C16orf95: variants seen among roughly 807,000 people sequenced by gnomAD.
C16orf95 encodes the protein uncharacterized protein C16orf95.
Under a neutral mutation model 32.1 loss-of-function variants are expected in C16orf95, and 41 were observed. The ratio of observed to expected loss-of-function variants is 1.28; its 90% confidence interval spans 1.00 to 1.66. The LOEUF (loss-of-function observed/expected upper bound fraction) is 1.66. Ranked by LOEUF, C16orf95 falls within the 40% of genes most tolerant of loss-of-function variation. The pLI, the probability that C16orf95 is intolerant of heterozygous loss-of-function variation, is 0.00. For synonymous variants in C16orf95, 147 were observed against 128.9 expected (o/e 1.14, Z -0.95); for missense variants, 399 against 325.9 (o/e 1.22, Z -1.73).
rs1330690776 is a variant in C16orf95 at position 87,305,706 on chromosome 16, C to A, written c.701+13G>T. 7 of 1,491,974 alleles carry A rather than the reference C, an allele frequency of 4.7e-6. No individual in the cohort carries two copies. The highest frequency in any genetic ancestry group is 5.3e-6 in the Non-Finnish European group (6 of 1,126,386). The allele number at this position is 1,491,974 out of a possible 1,614,324, so 92.4% of individuals were successfully genotyped here. ...CAGGGCCACCCACTGTCCCCCATCC[C>A]CCACCTGCTCACCGAATGGCCATGA... On this transcript the variant is annotated intron_variant, in intron 6 of 6. Coordinates refer to ENST00000567970, the MANE Select transcript of C16orf95 (RefSeq NM_001195124.3). The surrounding 1 kb of genome is among the most constrained non-coding windows in gnomAD (Gnocchi z 4.2).
chr16:87,317,262 G>A lies in C16orf95; in HGVS notation c.-20C>T, dbSNP rs1904392317. On this transcript the variant is annotated 5_prime_UTR_variant, in exon 1 of 7. Transcript: ENST00000567970. ...ACGCATATGGCTTCTTATGGCTGAC[G>A]CGCCCTTTCACACACACATCGTCCG... 6.6e-7 allele frequency: 1 copy of A among 1,507,062 alleles called. No homozygotes were observed. The highest frequency in any genetic ancestry group is 1.2e-5 in the South Asian group (1 of 80,688). 93.4% of individuals were successfully genotyped at this position (1,507,062 alleles called of 1,614,324 possible). A position where few individuals can be genotyped will look rare whatever the true frequency, so the allele number is the denominator to read the frequency against.
rs1171304782 is a variant in C16orf95, at chr16:87,305,743, AT to A, written c.676del (p.Ile226SerfsTer45). On this transcript the variant is annotated frameshift_variant, in exon 6 of 7. Transcript: ENST00000567970. LOFTEE classifies it low-confidence loss of function (END_TRUNC). This position sits in a 1 kb window ranked among gnomAD's most constrained non-coding sequence, Gnocchi z 4.2. ...PLGLLTLLQA[I>X]PRVIMAIRQC... ...CCGAATGGCCATGATGACCCTCGGG[AT>A]GGCCTGGAGGAGGGTCAGGAGGCCG... is the stretch of plus-strand genomic sequence containing the variant. 1 of 1,513,012 alleles carries A rather than the reference AT, an allele frequency of 6.6e-7. No individual in the cohort carries two copies. Among genetic ancestry groups the A allele is most frequent in the East Asian group, 2.7e-5 (1 of 37,378 alleles). 93.7% of individuals were successfully genotyped at this position (1,513,012 alleles called of 1,614,324 possible).
chr16:87,317,356 C>G lies in C16orf95; in HGVS notation c.-114G>C, dbSNP rs191339829. On this transcript the variant is annotated 5_prime_UTR_variant, in exon 1 of 7. Coordinates refer to ENST00000567970, the MANE Select transcript of C16orf95 (RefSeq NM_001195124.3). ...GAGGAACCCAACCCGAGCTCAACCCCAGCCCCAACCTCAACCGCTCAGAGG... is the reference window on the plus strand; with the variant it reads ...GAGGAACCCAACCCGAGCTCAACCCGAGCCCCAACCTCAACCGCTCAGAGG... 3 of 1,422,654 alleles carry G rather than the reference C, an allele frequency of 2.1e-6. No homozygotes were observed. Among genetic ancestry groups the G allele is most frequent in the Non-Finnish European group, 2.8e-6 (3 of 1,090,526 alleles). 88.1% of individuals were successfully genotyped at this position (1,422,654 alleles called of 1,614,324 possible).
intron 2 of C16orf95, among the ~76,000 whole-genome samples, chr16:87,315,389 AC>A (rs1407679840): frequency 3.9e-5 from 6 of 152,220 alleles, no homozygotes; most frequent in Admixed American, 2.0e-4. Context: ...ATGGGCATGT[AC>A]AAGCAGCTCT....
intron 4 of C16orf95, among the ~76,000 whole-genome samples, chr16:87,310,744 G>C (rs952161698): frequency 7.2e-5 from 11 of 152,170 alleles, no homozygotes; most frequent in East Asian, 1.9e-4. Context: ...AGGGCCAGGG[G>C]AGAGAGTCAG....
intron 6 of C16orf95, 25 bp from the exon 7 acceptor site, chr16:87,303,100 C>G (rs1910839286): frequency 1.3e-6 from 2 of 1,535,970 alleles, no homozygotes; most frequent in Non-Finnish European, 8.7e-7. Context: ...GAGACAGTTA[C>G]TAGGACCCGG....
At chr16:87,313,637 G>A (rs536293815) in intron 3 of C16orf95, among the ~76,000 whole-genome samples, 9 of 152,166 alleles carry the variant, frequency 5.9e-5, no homozygotes, top group South Asian at 2.1e-4. Flanking sequence ...TGGGGGGTGA[G>A]GGGGGAGGAT....
intron 5 of C16orf95, among the ~76,000 whole-genome samples, chr16:87,309,903 G>A (rs914277976): frequency 6.6e-6 from 1 of 152,140 alleles, no homozygotes; most frequent in African/African-American, 2.4e-5. Flanking sequence ...ATGAATGTAT[G>A]AGTATATAAT....
At chr16:87,310,267 T>G in intron 5 of C16orf95, 30 bp downstream of exon 5, 54 of 1,533,916 alleles carry the variant, frequency 3.5e-5, no homozygotes, top group Non-Finnish European at 4.3e-5. Context: ...GGGAGGGGGA[T>G]GATATGAGAC....
rs1910953542 is a variant in C16orf95 at position 87,305,117 on chromosome 16, C to A, written c.701+602G>T. 2.0e-5 allele frequency among the ~76,000 whole-genome samples: 3 copies of A among 152,164 alleles called. No homozygotes were observed. The South Asian group carries it at 6.2e-4, about 32-fold the overall frequency. On this transcript the variant is annotated intron_variant, in intron 6 of 6. Transcript: ENST00000567970. The surrounding 1 kb of genome is among the most constrained non-coding windows in gnomAD (Gnocchi z 4.2). ...AAAGGAGTAAGAGGAAGTAGCTGTT[C>A]CCCGAAGCCCAGCTGTGGCCCGGGG... is the stretch of plus-strand genomic sequence containing the variant.
At chr16:87,312,425 C>T (rs540342139) in intron 3 of C16orf95, among the ~76,000 whole-genome samples, 42 of 151,954 alleles carry the variant, frequency 2.8e-4, no homozygotes, top group African/African-American at 9.2e-4. Context: ...AAAAATTAGC[C>T]GGGAGTGGTG....
chr16:87,303,288 G>A (rs1910849872), intron 6 of C16orf95: 2 of 561,142 alleles, frequency 3.6e-6, no homozygotes, highest in Middle Eastern at 4.7e-4. Flanking sequence ...ACTGGGGTGA[G>A]GCATTCCACC....
At chr16:87,315,863 C>G (rs1051991049) in intron 1 of C16orf95, 40 bp from the exon 2 acceptor site, 1 of 1,482,516 alleles carries the variant, frequency 6.7e-7, no homozygotes, top group African/African-American at 1.4e-5. Flanking sequence ...TTTGTGTAAA[C>G]TAGGGGGCAG....
rs189568172 is a variant in C16orf95, at chr16:87,310,229, C to T, written c.514+68G>A. ...GTGATGAGAGGTCTGCCCCCACCATCATGATGCTCACGAACCCCACCTTTC... is the reference window on the plus strand; with the variant it reads ...GTGATGAGAGGTCTGCCCCCACCATTATGATGCTCACGAACCCCACCTTTC... On this transcript the variant is annotated intron_variant, in intron 5 of 6. Transcript: ENST00000567970. 1,279 of 1,470,210 alleles carry T rather than the reference C, an allele frequency of 8.7e-4. 18 individuals are homozygous for T. In the African/African-American group the frequency reaches 0.016, roughly 19 times the overall value. The allele number at this position is 1,470,210 out of a possible 1,614,324, so 91.1% of individuals were successfully genotyped here. A position where few individuals can be genotyped will look rare whatever the true frequency, so the allele number is the denominator to read the frequency against.
At chr16:87,313,540 C>T (rs1911377369) in intron 3 of C16orf95, among the ~76,000 whole-genome samples, 3 of 152,062 alleles carry the variant, frequency 2.0e-5, no homozygotes, top group African/African-American at 7.2e-5. Flanking sequence ...TTGAGACTAG[C>T]CAGGGCAACA....
Position 87,307,247 on chromosome 16 carries a change from T to G in C16orf95, c.515-1342A>C, listed in dbSNP as rs113950478. The stretch of plus-strand genomic sequence containing the variant: ...TCCACAACAGAAAACACCTTCAAGA[T>G]CAAGTCTAGCCTACTCCTTTTAGAG... On this transcript the variant is annotated intron_variant, in intron 5 of 6. Transcript: ENST00000567970. Among the ~76,000 whole-genome samples, 596 of 152,174 alleles carry G rather than the reference T, an allele frequency of 3.9e-3. 3 individuals are homozygous for G. The highest frequency in any genetic ancestry group is 0.014 in the African/African-American group (580 of 41,496).
chr16:87,305,596 G>C lies in C16orf95; in HGVS notation c.701+123C>G. On this transcript the variant is annotated intron_variant, in intron 6 of 6. Coordinates refer to ENST00000567970, the MANE Select transcript of C16orf95 (RefSeq NM_001195124.3). The surrounding 1 kb of genome is among the most constrained non-coding windows in gnomAD (Gnocchi z 4.2). ...GGACACACTCACAGTGCCGGGCCTT[G>C]GACGCCTGTCAAGTTAAGCCCCACC... 2 of 790,784 alleles carry C rather than the reference G, an allele frequency of 2.5e-6. No homozygotes were observed. The highest frequency in any genetic ancestry group is 3.7e-6 in the Non-Finnish European group (2 of 536,302). The allele number at this position is 790,784 out of a possible 1,614,324, so 49.0% of individuals were successfully genotyped here. A position where few individuals can be genotyped will look rare whatever the true frequency, so the allele number is the denominator to read the frequency against.
At chr16:87,311,112 C>A in intron 4 of C16orf95, 38 bp downstream of exon 4, 1 of 1,443,260 alleles carries the variant, frequency 6.9e-7, no homozygotes, top group Non-Finnish European at 9.2e-7. Flanking sequence ...CCCCACCTCA[C>A]TCTTCAGTTC....
chr16:87,317,268 TTTC>T lies in C16orf95; in HGVS notation c.-29_-27del. 6.7e-7 allele frequency: 1 copy of T among 1,498,142 alleles called. No homozygotes were observed. The highest frequency in any genetic ancestry group is 8.9e-7 in the Non-Finnish European group (1 of 1,124,892). 92.8% of individuals were successfully genotyped at this position (1,498,142 alleles called of 1,614,324 possible). A position where few individuals can be genotyped will look rare whatever the true frequency, so the allele number is the denominator to read the frequency against. On this transcript the variant is annotated 5_prime_UTR_variant, in exon 1 of 7. It removes the in-frame stop codon of an upstream open reading frame in the 5' UTR. Transcript: ENST00000567970. ...ATGGCTTCTTATGGCTGACGCGCCCTTTCACACACACATCGTCCGCAGGCCCTG... is the reference window on the plus strand; with the variant it reads ...ATGGCTTCTTATGGCTGACGCGCCCTACACACACATCGTCCGCAGGCCCTG...
Sources: gnomAD v4.1 joint callset for allele counts (sites outside exome capture counted in the v4.1 genomes callset) on GRCh38, gnomAD v4.1.1 for gene constraint, Gnocchi (gnomAD v3.1) non-coding constraint, MANE v1.5 for transcripts, NCBI Gene and HGNC (gene_info 2026-07-23, HGNC 2026-07-21) for gene names.